Variants in PRKDC observed in about 807,000 individuals in gnomAD.
PRKDC encodes protein kinase, DNA-activated, catalytic subunit.
PRKDC carries 82 observed loss-of-function variants against 486.9 expected under a neutral mutation model. The ratio of observed to expected loss-of-function variants is 0.17; its 90% CI spans 0.14 to 0.20. The LOEUF (loss-of-function observed/expected upper bound fraction) is 0.20, where lower values mean the gene tolerates loss of function less well. PRKDC is among the 10% of genes least tolerant of loss of function. PRKDC has a pLI of 1.00. For synonymous variants in PRKDC, 1,895 were observed against 1,837.0 expected, an observed-to-expected ratio of 1.03 and a Z score of -0.81; for missense variants, 4,504 against 5,038.2, an observed-to-expected ratio of 0.89 and a Z score of 3.21.
Position 47,803,310 on chromosome 8 carries a change from C to A in PRKDC, c.9918G>T (p.Leu3306Phe). The change falls in exon 70 of 86, where the codon TTG becomes TTT. Residue 3306 changes from leucine (L) to phenylalanine (F), a missense_variant. Leu to Phe is a conservative substitution (Grantham distance 22, BLOSUM62 0). This residue lies in a region of PRKDC where 1,592 missense variants were observed against 1,724.6 expected (regional missense o/e 0.92). Transcript: ENST00000314191. ...QVLTVLKTVS[L>F]LDENNVSSYL... ...GGATAAAAGCGGTCAACTTACCCAA[C>A]AAAGAGACTGTTTTCAGCACAGTGA... is the stretch of plus-strand genomic sequence containing the variant. 1 of 1,606,718 alleles carries A rather than the reference C, an allele frequency of 6.2e-7. No individual in the cohort carries two copies. The highest frequency in any genetic ancestry group is 8.5e-7 in the Non-Finnish European group (1 of 1,176,558).
chr8:47,816,594 C>T (rs1007051628), intron 68 of PRKDC, among the ~76,000 whole-genome samples: 2 of 152,078 alleles, frequency 1.3e-5, no homozygotes, highest in African/African-American at 2.4e-5. Flanking sequence ...AAGAAATGAA[C>T]ACTGATCTAT....
intron 38 of PRKDC, among the ~76,000 whole-genome samples, chr8:47,881,132 G>A (rs2089206976): frequency 6.6e-6 from 1 of 151,956 alleles, no homozygotes; most frequent in South Asian, 2.1e-4. Flanking sequence ...CTCATGTCTT[G>A]GAGAGGCACA....
chr8:47,888,466 T>G (rs780538343), intron 34 of PRKDC, 52 bp downstream of exon 34: 13 of 1,412,750 alleles, frequency 9.2e-6, no homozygotes, highest in African/African-American at 1.4e-5. Context: ...ATAAATACAC[T>G]AATTATCATA....
intron 40 of PRKDC, among the ~76,000 whole-genome samples, chr8:47,868,119 T>A (rs747591794): frequency 9.8e-5 from 15 of 152,348 alleles, no homozygotes; most frequent in Non-Finnish European, 1.9e-4. Context: ...TTTATATTCA[T>A]GAAGGATACT....
intron 69 of PRKDC, among the ~76,000 whole-genome samples, chr8:47,806,553 A>G (rs1221288812): frequency 6.6e-6 from 1 of 152,274 alleles, no homozygotes; most frequent in African/African-American, 2.4e-5. Context: ...AGCAATTGAT[A>G]GAGGGTCATT....
intron 21 of PRKDC, among the ~76,000 whole-genome samples, chr8:47,921,115 C>G (rs575231077): frequency 6.6e-6 from 1 of 151,996 alleles, no homozygotes; most frequent in Non-Finnish European, 1.5e-5. Context: ...ATTAGCCAGG[C>G]GTGGTGGCGG....
At position 47,858,511 on chromosome 8, in the gene PRKDC, C is replaced by A; in HGVS notation, c.6465+5G>T. Reference sequence around the variant, plus strand: ...CAAAGAATAAAGAAATAATCAATTACTTACCTCTTCTGTATTAATAACAAG... The same window carrying A: ...CAAAGAATAAAGAAATAATCAATTAATTACCTCTTCTGTATTAATAACAAG... On this transcript the variant is annotated splice_donor_5th_base_variant and intron_variant, in intron 48 of 85. Transcript: ENST00000314191. 6.8e-7 allele frequency: 1 copy of A among 1,475,278 alleles called. No homozygotes were observed. Among genetic ancestry groups the A allele is most frequent in the South Asian group, 1.3e-5 (1 of 77,752 alleles). The allele number at this position is 1,475,278 out of a possible 1,614,324, so 91.4% of individuals were successfully genotyped here. A position where few individuals can be genotyped will look rare whatever the true frequency, so the allele number is the denominator to read the frequency against.
rs1240136288 is a variant in PRKDC, at chr8:47,831,849, C to A, written c.8230G>T (p.Ala2744Ser). The A allele has an allele frequency of 3.1e-6, 5 of 1,614,042 alleles. No individual in the cohort carries two copies. Among genetic ancestry groups the A allele is most frequent in the Non-Finnish European group, 4.2e-6 (5 of 1,179,890 alleles). The change falls in exon 60 of 86, where the codon GCC (alanine) becomes TCC (serine). Residue 2744 changes from alanine to serine, a missense_variant. Ala to Ser is a moderately conservative substitution (Grantham distance 99). Transcript: ENST00000314191. ...TTTTGCTCAGCAACGCCTTTTCTGGCATACATCAAACTGAGCTTCTCCTGG... is the reference window on the plus strand; with the variant it reads ...TTTTGCTCAGCAACGCCTTTTCTGGAATACATCAAACTGAGCTTCTCCTGG... ...RDQEKLSLMY[A>S]RKGVAEQKRE...
At position 47,953,797 on chromosome 8, in the gene PRKDC, TTCA is replaced by T; in HGVS notation, c.621+7_621+9del. ...TCTATGGAAGCAGAATGTCATAAAG[TTCA>T]TCATACCTGGGTCTTAAGTTCACCC... On this transcript the variant is annotated splice_region_variant and intron_variant, in intron 6 of 85. Coordinates refer to ENST00000314191, the MANE Select transcript of PRKDC (RefSeq NM_006904.7). 6.4e-7 allele frequency: 1 copy of T among 1,572,796 alleles called. No individual in the cohort carries two copies. The highest frequency in any genetic ancestry group is 1.2e-5 in the South Asian group (1 of 86,020).
intron 54 of PRKDC, among the ~76,000 whole-genome samples, chr8:47,845,907 T>C (rs1407995176): frequency 2.6e-5 from 4 of 152,170 alleles, no homozygotes; most frequent in Non-Finnish European, 5.9e-5. Flanking sequence ...AAATCCCTGA[T>C]GAACACAGAT....
intron 40 of PRKDC, among the ~76,000 whole-genome samples, chr8:47,867,986 GACTA>G (rs1220964225): frequency 1.4e-4 from 21 of 152,224 alleles, no homozygotes; most frequent in African/African-American, 4.8e-4. Context: ...TGGTATCTAA[GACTA>G]ACTGATTCCC....
At chr8:47,804,091 T>C (rs542592763) in intron 69 of PRKDC, among the ~76,000 whole-genome samples, 11 of 152,294 alleles carry the variant, frequency 7.2e-5, no homozygotes, top group South Asian at 2.1e-4. Flanking sequence ...TACCCAGCCA[T>C]TGGCAACAAT....
At position 47,858,546 on chromosome 8, in the gene PRKDC, G is replaced by T. The variant is rs1387872546; in HGVS notation, c.6435C>A (p.Phe2145Leu). The T allele has an allele frequency of 2.9e-5, 44 of 1,537,766 alleles. No individual in the cohort carries two copies. The highest frequency in any genetic ancestry group is 3.7e-5 in the Non-Finnish European group (42 of 1,134,338). The change falls in exon 48 of 86, where the codon TTC (phenylalanine) becomes TTA (leucine). Residue 2145 changes from phenylalanine (F) to leucine (L), a missense_variant. By Grantham distance (22) the Phe-to-Leu change is conservative. Coordinates refer to ENST00000314191, the MANE Select transcript of PRKDC (RefSeq NM_006904.7). Reference sequence around the variant, plus strand: ...CTGTATTAATAACAAGCTTGGCTAAGAAGAGACGGATATTTAATGGTACTA... The same window carrying T: ...CTGTATTAATAACAAGCTTGGCTAATAAGAGACGGATATTTAATGGTACTA... ...NPIVPLNIRL[F>L]LAKLVINTEE...
chr8:47,877,219 A>C (rs373272342), intron 40 of PRKDC, among the ~76,000 whole-genome samples: 1 of 152,240 alleles, frequency 6.6e-6, no homozygotes, highest in Non-Finnish European at 1.5e-5. Flanking sequence ...CTGAAGAGAC[A>C]TAACAGTGAA....
At position 47,776,930 on chromosome 8, in the gene PRKDC, A is replaced by G. The variant is rs1368360385; in HGVS notation, c.12096T>C (p.Asn4032=). The G allele has an allele frequency of 1.9e-6, 3 of 1,613,624 alleles. No homozygotes were observed. In the Admixed American group the frequency reaches 5.0e-5, roughly 27 times the overall value. The stretch of plus-strand genomic sequence containing the variant: ...GGGGGTACCAATTTTTTTCAGCAAC[A>G]TTTATTTCTTGAATCCATGACCCTC... The part of the protein sequence containing the change: ...KKGGSWIQEI[N]VAEKNWYPRQ... The change falls in exon 85 of 86, where the codon AAT becomes AAC. Residue 4032 remains asparagine (N), a synonymous_variant. Coordinates refer to ENST00000314191, the MANE Select transcript of PRKDC (RefSeq NM_006904.7).
At chr8:47,889,387 C>T (rs8178096) in intron 32 of PRKDC, among the ~76,000 whole-genome samples, 165 bp from the exon 33 acceptor site, 4 of 152,224 alleles carry the variant, frequency 2.6e-5, no homozygotes, top group African/African-American at 4.8e-5. Context: ...GTGGGCTAGA[C>T]AGTCTCTGCT....
chr8:47,803,156 A>G, intron 70 of PRKDC, 150 bp downstream of exon 70: 3 of 724,614 alleles, frequency 4.1e-6, no homozygotes, highest in South Asian at 6.0e-5. Flanking sequence ...TTAAACTATC[A>G]TTCTCTGGCT....
At chr8:47,909,179 G>A (rs1005772716) in intron 25 of PRKDC, among the ~76,000 whole-genome samples, 1 of 152,318 alleles carries the variant, frequency 6.6e-6, no homozygotes, top group South Asian at 2.1e-4. Flanking sequence ...TGTTTCTTCT[G>A]TTGTGGGAAG....
intron 85 of PRKDC, 95 bp from the exon 86 acceptor site, chr8:47,774,472 T>A: frequency 8.7e-7 from 1 of 1,151,078 alleles, no homozygotes; most frequent in South Asian, 1.5e-5. Context: ...ATTCCCCACG[T>A]CATCACTCAC....
Sources: allele counts gnomAD v4.1 joint callset (sites outside exome capture counted in the v4.1 genomes callset), GRCh38; gene constraint gnomAD v4.1.1; regional missense constraint gnomAD v4.1.1; transcripts MANE v1.5; gene names NCBI Gene and HGNC (gene_info 2026-07-23, HGNC 2026-07-21).